The following KCND3 variants were observed in gnomAD, a reference collection of about 807,000 sequenced individuals.
The protein encoded by KCND3 is potassium voltage-gated channel subfamily D member 3, also known as A-type voltage-gated potassium channel KCND3.
KCND3 carries 9 observed loss-of-function variants against 51.1 expected under a neutral mutation model. The ratio of observed to expected loss-of-function variants is 0.18; its 90% CI spans 0.11 to 0.31. The LOEUF (loss-of-function observed/expected upper bound fraction) is 0.31. KCND3 is among the 10% of genes least tolerant of loss of function. The pLI is 1.00. For missense variants in KCND3, 526 were observed against 903.8 expected (o/e 0.58, Z 5.36); for synonymous variants, 349 against 368.0 (o/e 0.95, Z 0.59).
At chr1:111,918,426 C>CT (rs961506552) in intron 2 of KCND3, among the ~76,000 whole-genome samples, 26 of 152,276 alleles carry the variant, frequency 1.7e-4, no homozygotes, top group Middle Eastern at 3.4e-3. Flanking sequence ...TCTAGCATCT[C>CT]TTAAGGACTT....
chr1:111,970,582 T>C (rs1475185641), intron 2 of KCND3, among the ~76,000 whole-genome samples: 7 of 152,176 alleles, frequency 4.6e-5, no homozygotes, highest in Admixed American at 2.6e-4. Flanking sequence ...CCTCTGACAT[T>C]GTTGAGCCCA....
At chr1:111,785,051 A>AAAT (rs979993314) in intron 3 of KCND3, among the ~76,000 whole-genome samples, 41 of 152,150 alleles carry the variant, frequency 2.7e-4, no homozygotes, top group African/African-American at 9.2e-4. Context: ...CCCATCTCTA[A>AAAT]AATAATAATA....
chr1:111,958,358 C>A lies in KCND3; in HGVS notation c.1106+23263G>T, dbSNP rs555505393. On this transcript the variant is annotated intron_variant, in intron 2 of 7. Transcript: ENST00000302127. ...GAGCTGCAGCCAAGGTAGGAGAGAG[C>A]CTCAGGTCCATTCGCAGTGCTCAGA... 3.4e-3 allele frequency among the ~76,000 whole-genome samples: 525 copies of A among 152,274 alleles called. 3 individuals carry two copies. The highest frequency in any genetic ancestry group is 4.6e-3 in the Non-Finnish European group (314 of 68,014).
intron 2 of KCND3, among the ~76,000 whole-genome samples, chr1:111,792,060 T>G (rs542621671): frequency 1.3e-5 from 2 of 152,286 alleles, no homozygotes; most frequent in African/African-American, 4.8e-5. Context: ...ATATAGTCTA[T>G]AGGACACTGA....
chr1:111,934,459 A>T (rs1672121773), intron 2 of KCND3, among the ~76,000 whole-genome samples: 1 of 152,254 alleles, frequency 6.6e-6, no homozygotes, highest in South Asian at 2.1e-4. Context: ...GGCCACAGCA[A>T]GCACCTCAGC....
intron 2 of KCND3, among the ~76,000 whole-genome samples, chr1:111,941,188 A>G (rs1290258039): frequency 6.7e-6 from 1 of 149,240 alleles, no homozygotes; most frequent in African/African-American, 2.5e-5. Context: ...AACTTCACAG[A>G]AAAAAAAAAC....
intron 2 of KCND3, among the ~76,000 whole-genome samples, chr1:111,842,276 C>A (rs1667357427): frequency 2.6e-5 from 4 of 152,204 alleles, no homozygotes; most frequent in African/African-American, 9.7e-5. Context: ...TCCAGGCCCC[C>A]CAACCCACCC....
intron 2 of KCND3, among the ~76,000 whole-genome samples, chr1:111,841,372 A>C (rs1667314229): frequency 1.3e-5 from 2 of 152,164 alleles, no homozygotes; most frequent in Admixed American, 1.3e-4. Context: ...AGAGAGGAGG[A>C]CCCATGAGCT....
At chr1:111,782,467 G>T (rs55933721) in intron 3 of KCND3, among the ~76,000 whole-genome samples, 24,866 of 151,956 alleles carry the variant, frequency 0.16, 2,187 homozygotes, top group Non-Finnish European at 0.2. Flanking sequence ...TCTACAAGCA[G>T]AGAACATTGA....
At chr1:111,988,533 TAC>T (rs1337884599) in intron 1 of KCND3, among the ~76,000 whole-genome samples, 2 of 152,156 alleles carry the variant, frequency 1.3e-5, no homozygotes, top group African/African-American at 4.8e-5. Flanking sequence ...TGGGGAAATG[TAC>T]ACATGCTTTG....
At position 111,847,571 on chromosome 1, in the gene KCND3, C is replaced by T. The variant is rs1490789474; in HGVS notation, c.1107-60465G>A. Among the ~76,000 whole-genome samples, 3 of 152,146 alleles carry T rather than the reference C, an allele frequency of 2.0e-5. 1 individual carries two copies. The highest frequency in any genetic ancestry group is 4.4e-5 in the Non-Finnish European group (3 of 68,032). On this transcript the variant is annotated intron_variant, in intron 2 of 7. Coordinates refer to ENST00000302127, the MANE Select transcript of KCND3 (RefSeq NM_001378969.1). ...GCGTGCCCGCGTGCATATGTGCAGGCGTGATCTACGTGGGGCTGGGTGTAT... is the reference window on the plus strand; with the variant it reads ...GCGTGCCCGCGTGCATATGTGCAGGTGTGATCTACGTGGGGCTGGGTGTAT...
chr1:111,868,773 TCACC>T (rs1484651167), intron 2 of KCND3, among the ~76,000 whole-genome samples: 1 of 152,178 alleles, frequency 6.6e-6, no homozygotes, highest in African/African-American at 2.4e-5. Flanking sequence ...CCTTGCTTTG[TCACC>T]CAGGCTGGAG....
intron 2 of KCND3, among the ~76,000 whole-genome samples, chr1:111,962,437 C>G (rs1451092890): frequency 1.3e-5 from 2 of 152,150 alleles, no homozygotes; most frequent in Admixed American, 1.3e-4. Context: ...TGCAGAAGGC[C>G]TAGGGATAGG....
intron 2 of KCND3, among the ~76,000 whole-genome samples, chr1:111,875,643 C>G (rs1164290482): frequency 1.3e-5 from 2 of 152,216 alleles, no homozygotes; most frequent in East Asian, 3.9e-4. Flanking sequence ...TGGAGATTTT[C>G]CCTGGCACAG....
At chr1:111,820,443 A>G (rs1446390421) in intron 2 of KCND3, among the ~76,000 whole-genome samples, 1 of 152,188 alleles carries the variant, frequency 6.6e-6, no homozygotes, top group Non-Finnish European at 1.5e-5. Context: ...AGTTGTAAAA[A>G]TATTTGTACT....
intron 2 of KCND3, among the ~76,000 whole-genome samples, chr1:111,844,940 T>C (rs569501083): frequency 7.2e-5 from 11 of 152,328 alleles, no homozygotes; most frequent in African/African-American, 1.9e-4. Flanking sequence ...AGCTCAACGC[T>C]TGTGCTCCTT....
At position 111,772,662 on chromosome 1, in the gene KCND3, G is replaced by T. The variant is rs570116004; in HGVS notation, c.*3415C>A. The T allele has an allele frequency of 6.6e-6, 1 of 152,132 alleles. No homozygotes were observed. The highest frequency in any genetic ancestry group is 1.5e-5 in the Non-Finnish European group (1 of 68,018). 9.4% of individuals were successfully genotyped at this position (152,132 alleles called of 1,614,324 possible). The stretch of plus-strand genomic sequence containing the variant: ...GTTTTCTATACTGTAAAATGAATTA[G>T]ATATTCTTAAATCTTTTCTAGTTCT... On this transcript the variant is annotated 3_prime_UTR_variant, in exon 8 of 8. Coordinates refer to ENST00000302127, the MANE Select transcript of KCND3 (RefSeq NM_001378969.1).
chr1:111,977,623 A>G (rs1674709888), intron 2 of KCND3, among the ~76,000 whole-genome samples: 1 of 152,152 alleles, frequency 6.6e-6, no homozygotes, highest in Admixed American at 6.5e-5. Context: ...ACCCAAGAGC[A>G]GCCTCATCAA....
chr1:111,949,449 G>C (rs1031335189), intron 2 of KCND3, among the ~76,000 whole-genome samples: 1 of 152,186 alleles, frequency 6.6e-6, no homozygotes, highest in African/African-American at 2.4e-5. Context: ...AGCCAGAGAA[G>C]AGCCCTGCAG....
Sources: gnomAD v4.1 joint callset for allele counts (sites outside exome capture counted in the v4.1 genomes callset) on GRCh38, gnomAD v4.1.1 for gene constraint, MANE v1.5 for transcripts, NCBI Gene and HGNC (gene_info 2026-07-23, HGNC 2026-07-21) for gene names.